The following KCNK2 variants were observed in gnomAD, a reference collection of about 807,000 sequenced individuals.
KCNK2 encodes potassium channel subfamily K member 2.
KCNK2 carries 21 observed loss-of-function variants against 40.5 expected under a neutral mutation model. The ratio of observed to expected loss-of-function variants is 0.52; its 90% CI spans 0.37 to 0.75. The LOEUF is 0.75. Ranked by LOEUF, KCNK2 falls within the 30% of genes least tolerant of loss-of-function variation. KCNK2 has a pLI of 0.00. For synonymous variants in KCNK2, 191 were observed against 202.2 expected, an observed-to-expected ratio of 0.94 and a Z score of 0.47; for missense variants, 399 against 531.6, an observed-to-expected ratio of 0.75 and a Z score of 2.45.
chr1:215,105,953 A>C (rs577170181), intron 2 of KCNK2, among the ~76,000 whole-genome samples: 85 of 152,232 alleles, frequency 5.6e-4, no homozygotes, highest in African/African-American at 1.9e-3. Context: ...ATAGTATTGC[A>C]TGGTGTATAT....
chr1:215,159,497 T>G (rs1663096086), intron 3 of KCNK2, among the ~76,000 whole-genome samples: 1 of 152,126 alleles, frequency 6.6e-6, no homozygotes, highest in Non-Finnish European at 1.5e-5. Context: ...AGGCGGACGG[T>G]TATAGGGTTT....
intron 1 of KCNK2, among the ~76,000 whole-genome samples, chr1:215,026,368 C>A (rs978611644): frequency 4.6e-5 from 7 of 151,866 alleles, no homozygotes; most frequent in African/African-American, 1.7e-4. Context: ...CCTGGTCTTC[C>A]CCAGAAATCC....
intron 3 of KCNK2, among the ~76,000 whole-genome samples, chr1:215,168,418 G>A (rs1390725110): frequency 1.3e-5 from 2 of 152,142 alleles, no homozygotes; most frequent in Non-Finnish European, 2.9e-5. Context: ...GTTTATTGCA[G>A]CGCTATTTAC....
Position 215,083,226 on chromosome 1 carries a change from GCTCTC to G in KCNK2, c.-158_-154del. 3.1e-6 allele frequency: 1 copy of G among 323,964 alleles called. No homozygotes were observed. The highest frequency in any genetic ancestry group is 4.8e-6 in the Non-Finnish European group (1 of 208,526). 20.1% of individuals were successfully genotyped at this position (323,964 alleles called of 1,614,324 possible). On this transcript the variant is annotated 5_prime_UTR_variant, in exon 1 of 7. Transcript: ENST00000444842. ...CCCGCCCCCTCCCGCGTCCAGCCCC[GCTCTC>G]CCCACCTTGTAAAACAAAGCCGGGG...
intron 5 of KCNK2, among the ~76,000 whole-genome samples, chr1:215,178,578 A>G (rs1434194139): frequency 6.6e-6 from 1 of 152,110 alleles, no homozygotes; most frequent in African/African-American, 2.4e-5. Context: ...GGGATGTTAT[A>G]TTTTATTAAA....
chr1:215,156,403 GTGATATACTCATC>G (rs1225912752), intron 3 of KCNK2, among the ~76,000 whole-genome samples: 1 of 152,142 alleles, frequency 6.6e-6, no homozygotes, highest in African/African-American at 2.4e-5. Context: ...ACTTTTCTGT[GTGATATACTCATC>G]TAAATTCCAG....
chr1:215,089,323 G>A (rs1376295807), intron 2 of KCNK2, among the ~76,000 whole-genome samples: 1 of 152,126 alleles, frequency 6.6e-6, no homozygotes, highest in Admixed American at 6.5e-5. Flanking sequence ...CCTTCTTTCA[G>A]TGCTGAGGGG....
At chr1:215,163,786 A>G (rs1178419363) in intron 3 of KCNK2, among the ~76,000 whole-genome samples, 1 of 152,150 alleles carries the variant, frequency 6.6e-6, no homozygotes, top group Non-Finnish European at 1.5e-5. Flanking sequence ...ATCGTGGTGG[A>G]TAAGCTTTTT....
chr1:215,230,496 C>T (rs1266844609), intron 6 of KCNK2, among the ~76,000 whole-genome samples: 2 of 125,634 alleles, frequency 1.6e-5, no homozygotes, highest in African/African-American at 6.6e-5. Flanking sequence ...CACACACACA[C>T]ACACACGGCT....
chr1:215,145,497 G>C (rs1662375553), intron 3 of KCNK2, among the ~76,000 whole-genome samples: 1 of 152,058 alleles, frequency 6.6e-6, no homozygotes, highest in South Asian at 2.1e-4. Context: ...ATCAAAGATA[G>C]CATGGATTTC....
intron 6 of KCNK2, among the ~76,000 whole-genome samples, chr1:215,207,883 A>G (rs1454116805): frequency 6.6e-6 from 1 of 152,210 alleles, no homozygotes; most frequent in Non-Finnish European, 1.5e-5. Flanking sequence ...ATGCTGGTTA[A>G]GTCATGGAGA....
intron 6 of KCNK2, among the ~76,000 whole-genome samples, chr1:215,209,988 A>G (rs796166308): frequency 2.4e-4 from 1 of 4,120 alleles, no homozygotes; most frequent in South Asian, 4.4e-3. Context: ...TATTATATAT[A>G]ATATATAATA....
intron 2 of KCNK2, among the ~76,000 whole-genome samples, chr1:215,093,729 TAATATATAATATAAA>T (rs1324447424): frequency 4.4e-5 from 4 of 90,792 alleles, no homozygotes; most frequent in African/African-American, 1.4e-4. Context: ...TAAAAATATA[TAATATATAATATAAA>T]AATATATTAT....
intron 3 of KCNK2, among the ~76,000 whole-genome samples, chr1:215,136,715 G>A (rs1404455684): frequency 6.6e-6 from 1 of 152,104 alleles, no homozygotes; most frequent in Admixed American, 6.5e-5. Flanking sequence ...GAGGCACATT[G>A]AACACCGGCT....
At chr1:215,118,730 G>GA (rs1661054322) in intron 2 of KCNK2, among the ~76,000 whole-genome samples, 1 of 151,978 alleles carries the variant, frequency 6.6e-6, no homozygotes, top group Admixed American at 6.6e-5. Flanking sequence ...AGAAAAAGCG[G>GA]AAAAAATCTT....
chr1:215,160,756 G>T (rs546474811), intron 3 of KCNK2, among the ~76,000 whole-genome samples: 2 of 151,978 alleles, frequency 1.3e-5, no homozygotes, highest in Non-Finnish European at 1.5e-5. Context: ...GAATGTTGTC[G>T]TAGGCTCTCT....
intron 1 of KCNK2, among the ~76,000 whole-genome samples, chr1:215,064,474 G>A (rs762118307): frequency 6.6e-6 from 1 of 152,094 alleles, no homozygotes; most frequent in African/African-American, 2.4e-5. Flanking sequence ...GCATCACCTC[G>A]GTGATGAGAC....
chr1:215,015,081 T>C (rs1008462565), intron 1 of KCNK2, among the ~76,000 whole-genome samples: 1 of 152,132 alleles, frequency 6.6e-6, no homozygotes, highest in African/African-American at 2.4e-5. Flanking sequence ...TCTTAGATTG[T>C]CTGGTTTGAA....
chr1:215,072,771 A>T (rs1421504303), intron 1 of KCNK2, among the ~76,000 whole-genome samples: 1 of 152,194 alleles, frequency 6.6e-6, no homozygotes, highest in Non-Finnish European at 1.5e-5. Context: ...GATTTTTTGC[A>T]TACTACATGT....
Sources: allele counts gnomAD v4.1 joint callset (sites outside exome capture counted in the v4.1 genomes callset), GRCh38; gene constraint gnomAD v4.1.1; transcripts MANE v1.5; gene names NCBI Gene and HGNC (gene_info 2026-07-23, HGNC 2026-07-21).